Variants in SERPINE2 observed in about 807,000 individuals in gnomAD.
SERPINE2 encodes the protein serpin family E member 2, also known as glia-derived nexin.
Under a neutral mutation model 36.3 loss-of-function variants are expected in SERPINE2, and 14 were observed. That is an observed-to-expected ratio of 0.39 (90% CI 0.25 to 0.60). The LOEUF (loss-of-function observed/expected upper bound fraction) is 0.60, where lower values mean the gene tolerates loss of function less well. Among genes scored for constraint, SERPINE2 ranks in the 20% least tolerant of loss-of-function variants. SERPINE2 has a pLI of 0.57. For missense variants in SERPINE2, 418 were observed against 499.6 expected, an observed-to-expected ratio of 0.84 and a Z score of 1.56; for synonymous variants, 192 against 191.8, an observed-to-expected ratio of 1.00 and a Z score of -0.01.
chr2:223,980,471 C>T lies in SERPINE2; in HGVS notation c.986-74G>A, dbSNP rs1019017844. 7.1e-6 allele frequency: 9 copies of T among 1,271,964 alleles called. No homozygotes were observed. In the African/African-American group the frequency reaches 1.0e-4, roughly 15 times the overall value. The allele number at this position is 1,271,964 out of a possible 1,614,324, so 78.8% of individuals were successfully genotyped here. On this transcript the variant is annotated intron_variant, in intron 6 of 8. Transcript: ENST00000409304. ...CATTGGTTGGTTGGGGAAGTAACCT[C>T]AAAGCTCAAAGCCATGGCAAATTCC...
chr2:224,037,645 G>C (rs1382215784), intron 1 of SERPINE2, among the ~76,000 whole-genome samples: 1 of 152,158 alleles, frequency 6.6e-6, no homozygotes, highest in Non-Finnish European at 1.5e-5. Flanking sequence ...CAGGGACGTG[G>C]CCAGGTCACC....
intron 4 of SERPINE2, 112 bp from the exon 5 acceptor site, chr2:223,985,062 C>A: frequency 1.2e-6 from 1 of 808,820 alleles, no homozygotes; most frequent in East Asian, 2.6e-5. Context: ...GAGAACTTCC[C>A]TTTTCCACAA....
intron 5 of SERPINE2, among the ~76,000 whole-genome samples, chr2:223,983,190 A>T (rs547202208): frequency 1.3e-5 from 2 of 152,332 alleles, no homozygotes; most frequent in South Asian, 4.1e-4. Context: ...CTGCTCTAAG[A>T]CCTGCCATCC....
At chr2:224,006,969 C>T (rs572933421) in intron 1 of SERPINE2, among the ~76,000 whole-genome samples, 2 of 152,324 alleles carry the variant, frequency 1.3e-5, no homozygotes, top group Non-Finnish European at 2.9e-5. Context: ...CATCACCTCT[C>T]CAGGCTGTGT....
rs1308043699 is a variant in SERPINE2, at chr2:223,975,831, T to C, written c.*36A>G. The C allele has an allele frequency of 4.6e-6, 7 of 1,520,820 alleles. No homozygotes were observed. In the South Asian group the frequency reaches 9.1e-5, roughly 20 times the overall value. 94.2% of individuals were successfully genotyped at this position (1,520,820 alleles called of 1,614,324 possible). On this transcript the variant is annotated 3_prime_UTR_variant, in exon 9 of 9. Transcript: ENST00000409304. ...AAAGGAGTCTTTCTTCGTAGCAAAG[T>C]AGTCGTTGCTTTGCATGGTTTCTTT...
At chr2:224,024,109 A>G (rs941267628) in intron 1 of SERPINE2, among the ~76,000 whole-genome samples, 1 of 152,248 alleles carries the variant, frequency 6.6e-6, no homozygotes, top group Non-Finnish European at 1.5e-5. Flanking sequence ...GGCACAAGGT[A>G]TAGAAATACT....
chr2:224,031,588 G>C, intron 1 of SERPINE2: 1 of 750,544 alleles, frequency 1.3e-6, no homozygotes, highest in Non-Finnish European at 1.6e-6. Flanking sequence ...CCAATCACAG[G>C]ACCTCACTCC....
intron 3 of SERPINE2, 72 bp from the exon 4 acceptor site, chr2:223,992,072 C>A: frequency 7.8e-7 from 1 of 1,289,358 alleles, no homozygotes; most frequent in Non-Finnish European, 1.1e-6. Flanking sequence ...CAAATGGCAG[C>A]TGTCATCAGG....
At chr2:224,008,155 G>A (rs1691495705) in intron 1 of SERPINE2, among the ~76,000 whole-genome samples, 1 of 152,218 alleles carries the variant, frequency 6.6e-6, no homozygotes, top group Non-Finnish European at 1.5e-5. Context: ...TTGTAGAGGT[G>A]CCGTAGAGGG....
At chr2:224,031,545 G>T (rs1011722460) in intron 1 of SERPINE2, 2 of 978,006 alleles carry the variant, frequency 2.0e-6, no homozygotes, top group South Asian at 4.7e-5. Flanking sequence ...ATTGGTACAC[G>T]GAAGGGCATG....
intron 4 of SERPINE2, among the ~76,000 whole-genome samples, chr2:223,986,741 A>T (rs534255896): frequency 6.6e-6 from 1 of 152,286 alleles, no homozygotes; most frequent in African/African-American, 2.4e-5. Context: ...GAGGAGAGAG[A>T]TCATCTAGCT....
chr2:223,991,967 A>C lies in SERPINE2; in HGVS notation c.521T>G (p.Ile174Ser). 1 of 1,613,982 alleles carries C rather than the reference A, an allele frequency of 6.2e-7. No homozygotes were observed. The highest frequency in any genetic ancestry group is 8.5e-7 in the Non-Finnish European group (1 of 1,179,942). ...MIDNLLSPDL[I>S]DGVLTRLVLV... ...GACCAGTCTGGTGAGCACACCATCA[A>C]TAAGATCTGGGGACAGCAGATTGTC... Residue 174 changes from isoleucine (I) to serine (S), a missense_variant, in exon 4 of 9, where the codon ATT (isoleucine) becomes AGT (serine). Physicochemically the swap from Ile to Ser is moderately radical, Grantham distance 142. Coordinates refer to ENST00000409304, the MANE Select transcript of SERPINE2 (RefSeq NM_001136528.2).
intron 4 of SERPINE2, among the ~76,000 whole-genome samples, chr2:223,986,804 T>C (rs1690448671): frequency 6.6e-6 from 1 of 152,146 alleles, no homozygotes; most frequent in Non-Finnish European, 1.5e-5. Flanking sequence ...TCAGTAATAT[T>C]AATAACCATG....
chr2:224,033,742 T>G (rs1161027711), intron 1 of SERPINE2, among the ~76,000 whole-genome samples: 3 of 151,132 alleles, frequency 2.0e-5, no homozygotes, highest in Non-Finnish European at 4.4e-5. Flanking sequence ...TGCATTCTCC[T>G]ACCCTGTAAA....
chr2:223,987,206 C>T (rs1690471456), intron 4 of SERPINE2, among the ~76,000 whole-genome samples: 1 of 152,190 alleles, frequency 6.6e-6, no homozygotes, highest in African/African-American at 2.4e-5. Context: ...ACAACACATA[C>T]AAAGTGCTCA....
At chr2:224,002,660 T>TA (rs1691232611) in intron 1 of SERPINE2, among the ~76,000 whole-genome samples, 1 of 145,340 alleles carries the variant, frequency 6.9e-6, no homozygotes, top group African/African-American at 2.6e-5. Flanking sequence ...GTCTGGCAAT[T>TA]TTTTTTTTTT....
intron 1 of SERPINE2, among the ~76,000 whole-genome samples, chr2:224,026,388 T>C (rs1559220362): frequency 6.6e-6 from 1 of 152,258 alleles, no homozygotes; most frequent in South Asian, 2.1e-4. Context: ...TAAATCTGTA[T>C]TCAATTTCTT....
chr2:224,038,615 C>T (rs1692606815), intron 1 of SERPINE2: 15 of 946,316 alleles, frequency 1.6e-5, no homozygotes, highest in Non-Finnish European at 2.5e-5. Flanking sequence ...CCGCGCGTCA[C>T]CTCCCTCTGC....
rs149043929 is a variant in SERPINE2 at position 223,998,378 on chromosome 2, A to G, written c.260-36T>C. 30 of 1,514,598 alleles carry G rather than the reference A, an allele frequency of 2.0e-5. No individual in the cohort carries two copies. In the African/African-American group the frequency reaches 3.0e-4, roughly 15 times the overall value. 93.8% of individuals were successfully genotyped at this position (1,514,598 alleles called of 1,614,324 possible). A position where few individuals can be genotyped will look rare whatever the true frequency, so the allele number is the denominator to read the frequency against. ...AATCAGAAGATACAGCAATACTTCC[A>G]TAAGAATCTAGAAAAGTTTTTAAAA... is the stretch of plus-strand genomic sequence containing the variant. On this transcript the variant is annotated intron_variant, in intron 2 of 8. Coordinates refer to ENST00000409304, the MANE Select transcript of SERPINE2 (RefSeq NM_001136528.2).
Sources: gnomAD v4.1 joint callset for allele counts (sites outside exome capture counted in the v4.1 genomes callset) on GRCh38, gnomAD v4.1.1 for gene constraint, MANE v1.5 for transcripts, NCBI Gene and HGNC (gene_info 2026-07-23, HGNC 2026-07-21) for gene names.